Variants in KCNE3 observed in about 807,000 individuals in gnomAD.
The protein encoded by KCNE3 is potassium voltage-gated channel subfamily E regulatory subunit 3, also known as potassium voltage-gated channel subfamily E member 3.
A neutral mutation model predicts 4.3 loss-of-function variants in KCNE3; 2 were observed. The ratio of observed to expected loss-of-function variants is 0.47; its 90% confidence interval spans 0.19 to 1.48. The LOEUF is 1.48. KCNE3 is among the 40% of genes most tolerant of loss of function. The pLI is 0.25. For missense variants in KCNE3, 128 were observed against 136.8 expected, an observed-to-expected ratio of 0.94 and a Z score of 0.32; for synonymous variants, 47 against 52.0, an observed-to-expected ratio of 0.90 and a Z score of 0.41.
At chr11:74,465,390 A>G (rs1055123348) in intron 1 of KCNE3, among the ~76,000 whole-genome samples, 1 of 152,208 alleles carries the variant, frequency 6.6e-6, no homozygotes, top group Non-Finnish European at 1.5e-5. Context: ...GATGGCTCAA[A>G]GAAAAGAAGC....
intron 2 of KCNE3, among the ~76,000 whole-genome samples, chr11:74,460,431 C>T (rs536113786): frequency 6.6e-6 from 1 of 152,340 alleles, no homozygotes; most frequent in East Asian, 1.9e-4. Flanking sequence ...CGCCCAGGGG[C>T]TCTGATACAA....
At chr11:74,458,838 GAA>G (rs1240035226) in intron 2 of KCNE3, among the ~76,000 whole-genome samples, 2 of 130,694 alleles carry the variant, frequency 1.5e-5, no homozygotes. Context: ...TGTCTCAAAA[GAA>G]AAAAAAAAAA....
chr11:74,466,869 C>T (rs1449988220), intron 1 of KCNE3, among the ~76,000 whole-genome samples: 5 of 152,192 alleles, frequency 3.3e-5, no homozygotes, highest in Non-Finnish European at 5.9e-5. Flanking sequence ...CCAGCCTCGA[C>T]CTATGTTACT....
intron 2 of KCNE3, 46 bp from the exon 3 acceptor site, chr11:74,457,649 G>A: frequency 8.2e-7 from 1 of 1,217,330 alleles, no homozygotes; most frequent in African/African-American, 1.5e-5. Context: ...GTCACCTGCA[G>A]CTCAAATGAC....
chr11:74,456,881 G>A lies in KCNE3; in HGVS notation c.*371C>T. 1 of 299,476 alleles carries A rather than the reference G, an allele frequency of 3.3e-6. No homozygotes were observed. The highest frequency in any genetic ancestry group is 3.4e-5 in the South Asian group (1 of 29,710). The allele number at this position is 299,476 out of a possible 1,614,324, so 18.6% of individuals were successfully genotyped here. On this transcript the variant is annotated 3_prime_UTR_variant, in exon 3 of 3. Coordinates refer to ENST00000310128, the MANE Select transcript of KCNE3 (RefSeq NM_005472.5). ...TGGCTGAAGATAACACATAAAAAAT[G>A]TGTCCCCAGAGCATCTTCCTGTCTC...
chr11:74,459,484 G>T (rs113590200), intron 2 of KCNE3, among the ~76,000 whole-genome samples: 2 of 151,838 alleles, frequency 1.3e-5, no homozygotes, highest in African/African-American at 2.4e-5. Context: ...GGATGGTCTC[G>T]ATCTCCTGAC....
rs1864079855 is a variant in KCNE3 at position 74,467,224 on chromosome 11, G to GGGGAGGATCC, written c.-190+164_-190+173dup. ...CACGATCACTGCGCTCGGGAGGATC[G>GGGGAGGATCC]GGGAGGATCCGGGAGGACTAGCTTG... On this transcript the variant is annotated intron_variant, in intron 1 of 2. Transcript: ENST00000310128. The surrounding 1 kb of genome is among the most constrained non-coding windows in gnomAD (Gnocchi z 4.4). Among the ~76,000 whole-genome samples, 1 of 152,100 alleles carries GGGGAGGATCC rather than the reference G, an allele frequency of 6.6e-6. No homozygotes were observed. The highest frequency in any genetic ancestry group is 2.1e-4 in the South Asian group (1 of 4,830).
intron 1 of KCNE3, among the ~76,000 whole-genome samples, chr11:74,464,531 G>A (rs1410844538): frequency 6.6e-6 from 1 of 152,172 alleles, no homozygotes; most frequent in Non-Finnish European, 1.5e-5. Context: ...TAGAATCTGA[G>A]CTGGAAGAGA....
intron 1 of KCNE3, 71 bp from the exon 2 acceptor site, chr11:74,462,174 A>C (rs757832616): frequency 2.0e-5 from 3 of 152,578 alleles, no homozygotes; most frequent in Non-Finnish European, 4.4e-5. Context: ...ACCAGGGTGG[A>C]TTGCCCAAGG....
At chr11:74,458,683 A>G (rs964235788) in intron 2 of KCNE3, among the ~76,000 whole-genome samples, 2 of 151,982 alleles carry the variant, frequency 1.3e-5, no homozygotes, top group Non-Finnish European at 2.9e-5. Context: ...AAATACAAAA[A>G]TTAGCTGGGC....
At chr11:74,460,661 T>C (rs750797133) in intron 2 of KCNE3, among the ~76,000 whole-genome samples, 56 of 152,262 alleles carry the variant, frequency 3.7e-4, no homozygotes, top group Non-Finnish European at 6.8e-4. Context: ...GAGTGTAAGA[T>C]GTGTGGAAGA....
At chr11:74,457,628 G>A in intron 2 of KCNE3, 25 bp from the exon 3 acceptor site, 1 of 1,468,226 alleles carries the variant, frequency 6.8e-7, no homozygotes, top group South Asian at 1.1e-5. Context: ...AAAGAGAGAG[G>A]GGATGGCTCT....
chr11:74,466,322 T>G (rs149862796), intron 1 of KCNE3, among the ~76,000 whole-genome samples: 107 of 152,312 alleles, frequency 7.0e-4, no homozygotes, highest in African/African-American at 2.6e-3. Flanking sequence ...ACGTATAGAC[T>G]GAGTGAGGGA....
intron 1 of KCNE3, among the ~76,000 whole-genome samples, chr11:74,465,375 G>A (rs1864039675): frequency 6.6e-6 from 1 of 152,162 alleles, no homozygotes; most frequent in South Asian, 2.1e-4. Context: ...TTGGTCTGGG[G>A]AAGGGATGGC....
At chr11:74,466,163 G>A (rs193267352) in intron 1 of KCNE3, among the ~76,000 whole-genome samples, 24 of 152,296 alleles carry the variant, frequency 1.6e-4, no homozygotes, top group African/African-American at 5.3e-4. Context: ...ACGTCTAGCC[G>A]TGCGTTTTGG....
chr11:74,456,823 T>C lies in KCNE3; in HGVS notation c.*429A>G, dbSNP rs72552107. On this transcript the variant is annotated 3_prime_UTR_variant, in exon 3 of 3. Transcript: ENST00000310128. The stretch of plus-strand genomic sequence containing the variant: ...GGCAGGGTGGTGGTGGTAAATCATA[T>C]CTGTGATATGGGATAGTCATCACTG... The C allele has an allele frequency of 9.5e-6, 2 of 211,464 alleles. No individual in the cohort carries two copies. The highest frequency in any genetic ancestry group is 1.9e-5 in the Non-Finnish European group (2 of 103,678). The allele number at this position is 211,464 out of a possible 1,614,324, so 13.1% of individuals were successfully genotyped here. A position where few individuals can be genotyped will look rare whatever the true frequency, so the allele number is the denominator to read the frequency against.
chr11:74,457,891 T>C (rs1863859687), intron 2 of KCNE3, among the ~76,000 whole-genome samples: 1 of 152,204 alleles, frequency 6.6e-6, no homozygotes, highest in Admixed American at 6.5e-5. Flanking sequence ...CCCCTGCACC[T>C]GCTCTCTTGC....
At chr11:74,458,015 A>C (rs904417349) in intron 2 of KCNE3, among the ~76,000 whole-genome samples, 1 of 152,142 alleles carries the variant, frequency 6.6e-6, no homozygotes, top group African/African-American at 2.4e-5. Flanking sequence ...TTTATAAACT[A>C]CCCAGGCTCA....
At position 74,456,958 on chromosome 11, in the gene KCNE3, T is replaced by C; in HGVS notation, c.*294A>G. On this transcript the variant is annotated 3_prime_UTR_variant, in exon 3 of 3. Transcript: ENST00000310128. ...CGTTCTCCAATCCCCAGGCCCCTAA[T>C]ACTCCAGCCACTGAACCAGTTATTG... The C allele has an allele frequency of 2.2e-6, 1 of 452,518 alleles. No individual in the cohort carries two copies. The highest frequency in any genetic ancestry group is 4.1e-6 in the Non-Finnish European group (1 of 246,258). 28.0% of individuals were successfully genotyped at this position (452,518 alleles called of 1,614,324 possible). A position where few individuals can be genotyped will look rare whatever the true frequency, so the allele number is the denominator to read the frequency against.
Sources: gnomAD v4.1 joint callset for allele counts (sites outside exome capture counted in the v4.1 genomes callset) on GRCh38, gnomAD v4.1.1 for gene constraint, Gnocchi (gnomAD v3.1) non-coding constraint, MANE v1.5 for transcripts, NCBI Gene and HGNC (gene_info 2026-07-23, HGNC 2026-07-21) for gene names.